OXR1: variants seen among roughly 807,000 people sequenced by gnomAD.
The protein encoded by OXR1 is oxidation resistance protein 1.
A neutral mutation model predicts 104.6 loss-of-function variants in OXR1; 41 were observed. That is an observed-to-expected ratio of 0.39 (90% confidence interval 0.31 to 0.51). The LOEUF (loss-of-function observed/expected upper bound fraction) is 0.51, where lower values mean the gene tolerates loss of function less well. Among genes scored for constraint, OXR1 ranks in the 20% least tolerant of loss-of-function variants. OXR1 has a pLI of 0.77. For synonymous variants in OXR1, 348 were observed against 348.4 expected, an observed-to-expected ratio of 1.00 and a Z score of 0.01; for missense variants, 955 against 1,031.9, an observed-to-expected ratio of 0.93 and a Z score of 1.02.
intron 1 of OXR1, among the ~76,000 whole-genome samples, chr8:106,347,290 G>T (rs1037431850): frequency 6.6e-6 from 1 of 152,298 alleles, no homozygotes; most frequent in East Asian, 1.9e-4. Context: ...ATCCGTATTT[G>T]TGAAAAATGC....
At chr8:106,405,164 A>G (rs1354077614) in intron 2 of OXR1, among the ~76,000 whole-genome samples, 18,199 of 59,260 alleles carry the variant, frequency 0.31, 2,604 homozygotes, top group South Asian at 0.48. Context: ...ATATATATAT[A>G]TATATATATA....
At chr8:106,416,853 A>G (rs977121528) in intron 2 of OXR1, among the ~76,000 whole-genome samples, 2 of 152,014 alleles carry the variant, frequency 1.3e-5, no homozygotes, top group African/African-American at 4.8e-5. Flanking sequence ...CTAGATTGAA[A>G]CCCAAAGTAG....
chr8:106,691,613 TATATAC>T (rs1829284678), intron 6 of OXR1, among the ~76,000 whole-genome samples: 1 of 66,858 alleles, frequency 1.5e-5, no homozygotes. Context: ...TGTGCACATA[TATATAC>T]ATATATATAT....
intron 2 of OXR1, among the ~76,000 whole-genome samples, chr8:106,409,004 T>C (rs1818356234): frequency 6.6e-6 from 1 of 151,990 alleles, no homozygotes; most frequent in Non-Finnish European, 1.5e-5. Flanking sequence ...TTAAGAAAAA[T>C]TCCCCCATAC....
At chr8:106,473,753 C>T (rs191008644) in intron 2 of OXR1, among the ~76,000 whole-genome samples, 6 of 150,796 alleles carry the variant, frequency 4.0e-5, no homozygotes, top group South Asian at 4.2e-4. Flanking sequence ...TGAGCATTTG[C>T]GGTCTTGTCA....
intron 2 of OXR1, among the ~76,000 whole-genome samples, chr8:106,366,768 A>T (rs1003985088): frequency 1.3e-5 from 2 of 152,140 alleles, no homozygotes; most frequent in Non-Finnish European, 2.9e-5. Flanking sequence ...GCCTGAAACC[A>T]AAGAATCTTC....
intron 2 of OXR1, among the ~76,000 whole-genome samples, chr8:106,413,781 T>C (rs937734998): frequency 1.3e-5 from 2 of 151,666 alleles, no homozygotes; most frequent in African/African-American, 4.8e-5. Context: ...TGGAGTGCAG[T>C]AGTGCAATCT....
chr8:106,740,557 A>G (rs536545302), intron 14 of OXR1, 62 bp downstream of exon 14: 26 of 1,341,054 alleles, frequency 1.9e-5, no homozygotes, highest in South Asian at 4.0e-5. Context: ...AACTTTTAGC[A>G]TATTTATTTG....
chr8:106,655,956 T>C (rs1009311109), intron 3 of OXR1, among the ~76,000 whole-genome samples: 1 of 152,220 alleles, frequency 6.6e-6, no homozygotes. Flanking sequence ...GATGTAAAAG[T>C]GCAGATCTAA....
chr8:106,620,578 A>G (rs7008064), intron 3 of OXR1, among the ~76,000 whole-genome samples: 25,283 of 151,994 alleles, frequency 0.17, 2,259 homozygotes, highest in East Asian at 0.37. Flanking sequence ...TCTTGACTGA[A>G]CTCCCTGGAA....
intron 11 of OXR1, among the ~76,000 whole-genome samples, chr8:106,723,540 C>T (rs896298481): frequency 8.7e-5 from 13 of 149,194 alleles, no homozygotes; most frequent in South Asian, 2.1e-4. Flanking sequence ...GGCGTGGTGG[C>T]GCACACCTGT....
Position 106,750,686 on chromosome 8 carries a change from G to A in OXR1, c.2487-120G>A, listed in dbSNP as rs1484218709. The A allele has an allele frequency of 3.1e-5, 21 of 682,104 alleles. No homozygotes were observed. The South Asian group carries it at 4.1e-4, about 13-fold the overall frequency. 42.3% of individuals were successfully genotyped at this position (682,104 alleles called of 1,614,324 possible). On this transcript the variant is annotated intron_variant, in intron 16 of 16. Coordinates refer to ENST00000517566, the MANE Select transcript of OXR1 (RefSeq NM_001198533.2). ...AACAAAATTGTGTCAGTGTGGAAAG[G>A]AGTAGGGAAGGATTTGAGAAAATTA...
intron 2 of OXR1, among the ~76,000 whole-genome samples, chr8:106,382,692 T>TTG (rs1371304089): frequency 6.9e-6 from 1 of 145,746 alleles, no homozygotes; most frequent in Non-Finnish European, 1.5e-5. Flanking sequence ...GTTTTTTTTT[T>TTG]TTTTTTTTTT....
At chr8:106,399,991 A>G (rs1233913211) in intron 2 of OXR1, among the ~76,000 whole-genome samples, 1 of 152,158 alleles carries the variant, frequency 6.6e-6, no homozygotes, top group East Asian at 1.9e-4. Flanking sequence ...AAGCAATTAT[A>G]TGTGTTGTGG....
At chr8:106,505,007 A>G (rs377294311) in intron 2 of OXR1, among the ~76,000 whole-genome samples, 1 of 152,348 alleles carries the variant, frequency 6.6e-6, no homozygotes, top group African/African-American at 2.4e-5. Context: ...ACACATGTTT[A>G]AAAGAATCTT....
chr8:106,715,735 G>C (rs1469485551), intron 11 of OXR1, among the ~76,000 whole-genome samples: 3 of 152,102 alleles, frequency 2.0e-5, no homozygotes, highest in Non-Finnish European at 2.9e-5. Flanking sequence ...CTCCATTGGG[G>C]TTGGAGTACT....
intron 3 of OXR1, among the ~76,000 whole-genome samples, chr8:106,620,070 T>C (rs1821572346): frequency 6.6e-6 from 1 of 152,144 alleles, no homozygotes; most frequent in Non-Finnish European, 1.5e-5. Context: ...ATTTCATATA[T>C]AGCACTTAAA....
chr8:106,292,925 G>A (rs890797052), intron 1 of OXR1, among the ~76,000 whole-genome samples: 6 of 152,216 alleles, frequency 3.9e-5, no homozygotes. Context: ...TGCCAAGGGG[G>A]CAGGACTAGA....
At chr8:106,289,718 C>G (rs576419883) in intron 1 of OXR1, among the ~76,000 whole-genome samples, 1 of 152,202 alleles carries the variant, frequency 6.6e-6, no homozygotes, top group Non-Finnish European at 1.5e-5. Context: ...GGTACTGGTA[C>G]AAAGACAGAC....
Sources: gnomAD v4.1 joint callset for allele counts (sites outside exome capture counted in the v4.1 genomes callset) on GRCh38, gnomAD v4.1.1 for gene constraint, MANE v1.5 for transcripts, NCBI Gene and HGNC (gene_info 2026-07-23, HGNC 2026-07-21) for gene names.